STK32B: variants seen among roughly 807,000 people sequenced by gnomAD.
STK32B encodes the protein serine/threonine kinase 32B, also known as serine/threonine-protein kinase 32B.
Under a neutral mutation model 52.6 loss-of-function variants are expected in STK32B, and 43 were observed. That is an observed-to-expected ratio of 0.82 (90% CI 0.64 to 1.05). The LOEUF is 1.05. STK32B is among the 50% of genes least tolerant of loss of function. The pLI is 0.00. For synonymous variants in STK32B, 238 were observed against 204.3 expected (o/e 1.17, Z -1.41); for missense variants, 621 against 534.6 (o/e 1.16, Z -1.59).
intron 1 of STK32B, among the ~76,000 whole-genome samples, chr4:5,129,786 C>T (rs935998462): frequency 6.6e-6 from 1 of 152,148 alleles, no homozygotes; most frequent in African/African-American, 2.4e-5. Flanking sequence ...ATCCTTAACT[C>T]CCTAGGCAGA....
At chr4:5,420,569 C>T (rs1488572671) in intron 6 of STK32B, among the ~76,000 whole-genome samples, 2 of 152,094 alleles carry the variant, frequency 1.3e-5, no homozygotes, top group Non-Finnish European at 2.9e-5. Context: ...GCAGACTGGA[C>T]ATGTGGATGG....
chr4:5,314,439 G>T (rs1477813683), intron 3 of STK32B, among the ~76,000 whole-genome samples: 1 of 152,202 alleles, frequency 6.6e-6, no homozygotes, highest in Non-Finnish European at 1.5e-5. Context: ...GGAGGCTGAG[G>T]CAGGTGGATC....
At chr4:5,184,697 AGAAG>A (rs1188908812) in intron 3 of STK32B, among the ~76,000 whole-genome samples, 5 of 135,862 alleles carry the variant, frequency 3.7e-5, no homozygotes, top group South Asian at 2.4e-4. Flanking sequence ...AAAAAAAAAA[AGAAG>A]AAGAAGAAGA....
chr4:5,046,503 A>T (rs1490415668), upstream of STK32B, among the ~76,000 whole-genome samples: 2 of 152,252 alleles, frequency 1.3e-5, no homozygotes, highest in Non-Finnish European at 2.9e-5. Context: ...AACAAAAGCC[A>T]AAATTGACAA....
chr4:5,185,875 C>T (rs1001579320), intron 3 of STK32B, among the ~76,000 whole-genome samples: 4 of 152,200 alleles, frequency 2.6e-5, no homozygotes. Context: ...TCCCCTGACA[C>T]CCACCCCTAC....
chr4:5,315,925 G>C (rs1016689463), intron 3 of STK32B, among the ~76,000 whole-genome samples: 10 of 150,414 alleles, frequency 6.6e-5, no homozygotes, highest in African/African-American at 2.2e-4. Context: ...AGCTGATCTC[G>C]AACTCCTGAC....
chr4:5,084,516 A>G (rs1306723624), intron 1 of STK32B, among the ~76,000 whole-genome samples: 1 of 152,230 alleles, frequency 6.6e-6, no homozygotes, highest in Non-Finnish European at 1.5e-5. Flanking sequence ...TTATAATAAA[A>G]ATATTTATGG....
intron 1 of STK32B, among the ~76,000 whole-genome samples, chr4:5,107,978 C>A (rs1437004122): frequency 6.6e-6 from 1 of 152,150 alleles, no homozygotes; most frequent in Non-Finnish European, 1.5e-5. Flanking sequence ...GGTGAACACA[C>A]CTTTATAATC....
rs150322610 is a variant in STK32B, at chr4:5,347,877, G to A, written c.434+16484G>A. 7.0e-3 allele frequency among the ~76,000 whole-genome samples: 1,073 copies of A among 152,214 alleles called. 9 individuals carry two copies. Among genetic ancestry groups the A allele is most frequent in the African/African-American group, 0.025 (1,021 of 41,532 alleles). On this transcript the variant is annotated intron_variant, in intron 4 of 11. Coordinates refer to ENST00000282908, the MANE Select transcript of STK32B (RefSeq NM_018401.3). The stretch of plus-strand genomic sequence containing the variant: ...TTGTAAGTTTCCTAAGTCCTCCCCA[G>A]CCATGCAGAACTATGAGTCAATTAA...
intron 6 of STK32B, among the ~76,000 whole-genome samples, chr4:5,431,978 C>T (rs1713623771): frequency 6.6e-6 from 1 of 152,190 alleles, no homozygotes; most frequent in South Asian, 2.1e-4. Context: ...TGAATCATTA[C>T]CTTGATGAGT....
At position 5,499,201 on chromosome 4, in the gene STK32B, G is replaced by A; in HGVS notation, c.*118G>A. 7.3e-7 allele frequency: 1 copy of A among 1,364,514 alleles called. No individual in the cohort carries two copies. Among genetic ancestry groups the A allele is most frequent in the South Asian group, 1.7e-5 (1 of 59,060 alleles). The allele number at this position is 1,364,514 out of a possible 1,614,324, so 84.5% of individuals were successfully genotyped here. Reference sequence around the variant, plus strand: ...CCTGAAAACATCAGATGCAGAAAAAGCCCTGGACTTGGAGCTGGGAAGCCT... The same window carrying A: ...CCTGAAAACATCAGATGCAGAAAAAACCCTGGACTTGGAGCTGGGAAGCCT... On this transcript the variant is annotated 3_prime_UTR_variant, in exon 12 of 12. Coordinates refer to ENST00000282908, the MANE Select transcript of STK32B (RefSeq NM_018401.3).
At chr4:5,312,835 A>G (rs1016697294) in intron 3 of STK32B, among the ~76,000 whole-genome samples, 1 of 152,008 alleles carries the variant, frequency 6.6e-6, no homozygotes, top group Non-Finnish European at 1.5e-5. Flanking sequence ...TGGTGTTTCT[A>G]GTTCTAGATC....
intron 6 of STK32B, among the ~76,000 whole-genome samples, chr4:5,446,038 G>T (rs535285460): frequency 6.6e-6 from 1 of 152,244 alleles, no homozygotes; most frequent in African/African-American, 2.4e-5. Context: ...TACCCCACCC[G>T]TTCTCCCAGC....
intron 6 of STK32B, among the ~76,000 whole-genome samples, chr4:5,434,243 C>G (rs1456875448): frequency 6.6e-6 from 1 of 152,298 alleles, no homozygotes; most frequent in Admixed American, 6.5e-5. Context: ...GATCCAGTTT[C>G]AAGAGGATTT....
rs1189304243 is a variant in STK32B at position 5,373,289 on chromosome 4, A to G, written c.435-24918A>G. Among the ~76,000 whole-genome samples, 3 of 152,222 alleles carry G rather than the reference A, an allele frequency of 2.0e-5. No individual in the cohort carries two copies. In the South Asian group the frequency reaches 6.2e-4, roughly 31 times the overall value. On this transcript the variant is annotated intron_variant, in intron 4 of 11. Transcript: ENST00000282908. ...GGCTCAGATGACTGTGGAGACTGGC[A>G]AGTCCCAAGATCTGCAGTGGGAGCC...
At chr4:5,102,667 G>A (rs1713872476) in intron 1 of STK32B, among the ~76,000 whole-genome samples, 1 of 151,732 alleles carries the variant, frequency 6.6e-6, no homozygotes, top group South Asian at 2.1e-4. Context: ...AAGTAGCTGA[G>A]ATTATAGGCA....
intron 6 of STK32B, chr4:5,435,800 G>A (rs1189406351): frequency 6.6e-6 from 1 of 152,388 alleles, no homozygotes; most frequent in Non-Finnish European, 1.5e-5. Context: ...AATGCATGAG[G>A]AGATGAAGAG....
At chr4:5,381,124 T>G (rs1178781054) in intron 4 of STK32B, among the ~76,000 whole-genome samples, 1 of 152,234 alleles carries the variant, frequency 6.6e-6, no homozygotes, top group Non-Finnish European at 1.5e-5. Context: ...AAGTAGACAG[T>G]AGTGCCTGGC....
At chr4:5,025,347 G>A in the STK32B span, among the ~76,000 whole-genome samples, 1 of 152,314 alleles carries the variant, frequency 6.6e-6, no homozygotes, top group Middle Eastern at 3.4e-3. Context: ...GTGGAACGGG[G>A]GAGCTGGGCT....
Sources: allele counts gnomAD v4.1 joint callset (sites outside exome capture counted in the v4.1 genomes callset), GRCh38; gene constraint gnomAD v4.1.1; transcripts MANE v1.5; gene names NCBI Gene and HGNC (gene_info 2026-07-23, HGNC 2026-07-21).